DPP6: variants seen among roughly 807,000 people sequenced by gnomAD.
DPP6 encodes A-type potassium channel modulatory protein DPP6.
A neutral mutation model predicts 122.6 loss-of-function variants in DPP6; 69 were observed. That is an observed-to-expected ratio of 0.56 (90% CI 0.46 to 0.69). The LOEUF is 0.69. Ranked by LOEUF, DPP6 falls within the 30% of genes least tolerant of loss-of-function variation. The pLI, the probability that DPP6 is intolerant of heterozygous loss-of-function variation, is 0.00. For missense variants in DPP6, 928 were observed against 1,116.9 expected (o/e 0.83, Z 2.41); for synonymous variants, 418 against 433.1 (o/e 0.97, Z 0.43).
intron 1 of DPP6, among the ~76,000 whole-genome samples, chr7:154,372,942 C>G (rs745588974): frequency 6.6e-6 from 1 of 152,184 alleles, no homozygotes. Context: ...TGGATTAGCA[C>G]AGCCCTGGGG....
intron 3 of DPP6, among the ~76,000 whole-genome samples, chr7:154,527,232 A>G (rs1052499281): frequency 3.9e-5 from 6 of 152,160 alleles, no homozygotes; most frequent in Non-Finnish European, 8.8e-5. Flanking sequence ...CAATGCTCCA[A>G]TTGTTTTATT....
intron 1 of DPP6, among the ~76,000 whole-genome samples, chr7:154,319,166 CA>C (rs1468975772): frequency 6.6e-6 from 1 of 152,178 alleles, no homozygotes; most frequent in Non-Finnish European, 1.5e-5. Flanking sequence ...GATTTTTTTA[CA>C]ACAAAAATTA....
chr7:153,890,472 G>A (rs1041816553), intron 1 of DPP6, among the ~76,000 whole-genome samples: 3 of 152,158 alleles, frequency 2.0e-5, no homozygotes, highest in Non-Finnish European at 2.9e-5. Flanking sequence ...ATAGCCTCCC[G>A]GCTGGTCCTT....
chr7:154,199,093 GC>G (rs1799029139), intron 1 of DPP6, among the ~76,000 whole-genome samples: 3 of 151,670 alleles, frequency 2.0e-5, no homozygotes, highest in Admixed American at 2.0e-4. Flanking sequence ...CCTCGAGGCT[GC>G]TTGGAGCCCT....
intron 1 of DPP6, among the ~76,000 whole-genome samples, chr7:154,179,938 G>T (rs1001832851): frequency 6.6e-6 from 1 of 152,068 alleles, no homozygotes; most frequent in African/African-American, 2.4e-5. Flanking sequence ...ACAATTCTTG[G>T]TTTACCAACA....
At chr7:154,600,846 C>A (rs1194261269) in intron 5 of DPP6, among the ~76,000 whole-genome samples, 1 of 120,808 alleles carries the variant, frequency 8.3e-6, no homozygotes, top group Non-Finnish European at 1.9e-5. Flanking sequence ...AATCCCAGCA[C>A]TTTGGGAGGC....
At chr7:154,406,180 A>G (rs898591766) in intron 1 of DPP6, among the ~76,000 whole-genome samples, 1 of 152,174 alleles carries the variant, frequency 6.6e-6, no homozygotes, top group African/African-American at 2.4e-5. Flanking sequence ...TCACCCTTCT[A>G]AAAAAGGAAA....
chr7:154,822,069 A>T (rs2150499648), intron 16 of DPP6, among the ~76,000 whole-genome samples: 1 of 152,012 alleles, frequency 6.6e-6, no homozygotes, highest in East Asian at 1.9e-4. Flanking sequence ...CTCTGGTCAC[A>T]TCCTCGCTCC....
intron 1 of DPP6, among the ~76,000 whole-genome samples, chr7:153,930,853 G>A (rs796242619): frequency 5.9e-5 from 9 of 152,316 alleles, no homozygotes; most frequent in African/African-American, 1.9e-4. Flanking sequence ...AGTGGCAACT[G>A]GAGGGACTGG....
intron 1 of DPP6, among the ~76,000 whole-genome samples, chr7:154,377,486 T>G (rs1046936538): frequency 2.0e-5 from 3 of 152,188 alleles, no homozygotes; most frequent in Admixed American, 6.5e-5. Flanking sequence ...CCAAATCTCA[T>G]GTTGAATTGT....
chr7:154,235,645 T>C (rs2150861131), intron 1 of DPP6, among the ~76,000 whole-genome samples: 2 of 152,218 alleles, frequency 1.3e-5, no homozygotes, highest in Middle Eastern at 3.4e-3. Flanking sequence ...CTTGGATGGA[T>C]TGCGATTTGC....
chr7:154,211,662 C>T (rs1358028535), intron 1 of DPP6, among the ~76,000 whole-genome samples: 1 of 152,210 alleles, frequency 6.6e-6, no homozygotes, highest in Non-Finnish European at 1.5e-5. Flanking sequence ...TTGCCCTCTT[C>T]TCCACCTCCA....
intron 1 of DPP6, among the ~76,000 whole-genome samples, chr7:154,258,449 C>T (rs1258653694): frequency 6.6e-6 from 1 of 152,064 alleles, no homozygotes; most frequent in East Asian, 1.9e-4. Context: ...ACTGAGATCC[C>T]GTGGAAGGAG....
chr7:154,225,135 C>G (rs1800519710), intron 1 of DPP6, among the ~76,000 whole-genome samples: 1 of 151,998 alleles, frequency 6.6e-6, no homozygotes, highest in African/African-American at 2.4e-5. Flanking sequence ...GAGTGAGACT[C>G]TGTCTCAAAA....
At chr7:153,815,519 T>G in the DPP6 span, among the ~76,000 whole-genome samples, 1 of 148,570 alleles carries the variant, frequency 6.7e-6, no homozygotes, top group African/African-American at 2.5e-5. Flanking sequence ...CCCTCCCCCG[T>G]CCCCCCACCC....
intron 1 of DPP6, among the ~76,000 whole-genome samples, chr7:154,401,183 T>G (rs1815549782): frequency 2.0e-5 from 3 of 148,292 alleles, no homozygotes; most frequent in African/African-American, 5.1e-5. Context: ...GGTGATAGGG[T>G]GAGACTCCAT....
At chr7:153,933,659 G>A (rs1652836235) in intron 1 of DPP6, among the ~76,000 whole-genome samples, 1 of 150,458 alleles carries the variant, frequency 6.6e-6, no homozygotes, top group Non-Finnish European at 1.5e-5. Flanking sequence ...TAAAATATTT[G>A]CAATGCCCTT....
intron 1 of DPP6, among the ~76,000 whole-genome samples, chr7:153,937,541 G>A (rs1301631835): frequency 2.1e-5 from 3 of 145,178 alleles, no homozygotes; most frequent in African/African-American, 5.2e-5. Flanking sequence ...TCTCCCTCCC[G>A]GGTTCAAGTG....
In DPP6 at chr7:154,340,690, T is replaced by C. The variant is rs868347523; in HGVS notation, c.244-105524T>C. On this transcript the variant is annotated intron_variant, in intron 1 of 25. Coordinates refer to ENST00000377770, the MANE Select transcript of DPP6 (RefSeq NM_130797.4). ...CTGGTGATAGCAGCAATAACTAACA[T>C]GTGTTTTTCATGAATAGGTGGCAAT... Among the ~76,000 whole-genome samples, 5 of 152,222 alleles carry C rather than the reference T, an allele frequency of 3.3e-5. No homozygotes were observed. The South Asian group carries it at 6.2e-4, about 19-fold the overall frequency.
Sources: allele counts gnomAD v4.1 joint callset (sites outside exome capture counted in the v4.1 genomes callset), GRCh38; gene constraint gnomAD v4.1.1; transcripts MANE v1.5; gene names NCBI Gene and HGNC (gene_info 2026-07-23, HGNC 2026-07-21).